The following CELF2 variants were observed in gnomAD, a reference collection of about 807,000 sequenced individuals.
The protein encoded by CELF2 is CUGBP Elav-like family member 2.
CELF2 carries 8 observed loss-of-function variants against 62.6 expected under a neutral mutation model. The observed-to-expected ratio is 0.13, with a 90% confidence interval of 0.07 to 0.23. The LOEUF is 0.23. Among genes scored for constraint, CELF2 ranks in the 10% least tolerant of loss-of-function variants. The probability of loss-of-function intolerance (pLI) is 1.00; values close to 1 mark genes in which losing one functional copy is unlikely to be tolerated. For missense variants in CELF2, 333 were observed against 671.0 expected (o/e 0.50, Z 5.56); for synonymous variants, 258 against 250.0 (o/e 1.03, Z -0.30).
At chr10:11,288,582 G>C (rs772769710) in intron 9 of CELF2, 30 bp downstream of exon 9, 1 of 1,611,516 alleles carries the variant, frequency 6.2e-7, no homozygotes, top group Admixed American at 1.7e-5. Context: ...TTCCCTTGCA[G>C]GTGATGCAGC....
At chr10:10,508,669 T>A in the CELF2 span, among the ~76,000 whole-genome samples, 1 of 65,634 alleles carries the variant, frequency 1.5e-5, no homozygotes, top group Non-Finnish European at 2.9e-5. Context: ...GATGTGTGTG[T>A]GTGTGTGTGT....
chr10:10,677,315 T>A, the CELF2 span, among the ~76,000 whole-genome samples: 1 of 152,204 alleles, frequency 6.6e-6, no homozygotes, highest in Non-Finnish European at 1.5e-5. Flanking sequence ...AATTTATGGC[T>A]GCTAAAAGGT....
At chr10:10,926,156 C>T (rs752046144) in intron 2 of CELF2, among the ~76,000 whole-genome samples, 3 of 152,100 alleles carry the variant, frequency 2.0e-5, no homozygotes, top group Non-Finnish European at 4.4e-5. Context: ...GAATTCAGAG[C>T]CTCTATGGTC....
the CELF2 span, among the ~76,000 whole-genome samples, chr10:10,743,010 A>G: frequency 0.016 from 2,480 of 152,320 alleles, 27 homozygotes; most frequent in Non-Finnish European, 0.024. Flanking sequence ...ACATTCATTT[A>G]TTCATTGACT....
intron 1 of CELF2, among the ~76,000 whole-genome samples, chr10:11,108,100 T>TTCCTCTCCCCCCC (rs2054103888): frequency 3.7e-5 from 1 of 27,234 alleles, no homozygotes; most frequent in African/African-American, 1.5e-4. Context: ...CCCCACTCCC[T>TTCCTCTCCCCCCC]CCCTCTCCCC....
intron 1 of CELF2, among the ~76,000 whole-genome samples, chr10:10,905,762 C>A (rs912932757): frequency 1.6e-4 from 25 of 151,972 alleles, no homozygotes; most frequent in African/African-American, 5.1e-4. Context: ...ACTGTAGTCC[C>A]AGCTACTTGG....
In CELF2 at chr10:11,081,049, T is replaced by C. The variant is rs548755041; in HGVS notation, c.74+62886T>C. On this transcript the variant is annotated intron_variant, in intron 1 of 12. Coordinates refer to ENST00000633077, the MANE Select transcript of CELF2 (RefSeq NM_001326342.2). ...TGCTTTAGCATCCATTTCATAGAAA[T>C]CAAACTTAGAAAAAATTATTCTTTA... is the stretch of plus-strand genomic sequence containing the variant. Among the ~76,000 whole-genome samples, 15 of 147,180 alleles carry C rather than the reference T, an allele frequency of 1.0e-4. No homozygotes were observed. In the South Asian group the frequency reaches 1.7e-3, roughly 17 times the overall value.
chr10:11,320,301 C>T (rs989635759), intron 10 of CELF2, among the ~76,000 whole-genome samples: 2 of 152,168 alleles, frequency 1.3e-5, no homozygotes, highest in East Asian at 1.9e-4. Context: ...GCCACCATCC[C>T]GTTCCCATCA....
At chr10:10,535,920 TG>T in the CELF2 span, among the ~76,000 whole-genome samples, 1 of 151,912 alleles carries the variant, frequency 6.6e-6, no homozygotes, top group African/African-American at 2.4e-5. Flanking sequence ...AGCAAACCTG[TG>T]GGATAAATAG....
chr10:10,567,059 A>G, the CELF2 span, among the ~76,000 whole-genome samples: 8 of 152,342 alleles, frequency 5.3e-5, no homozygotes, highest in Admixed American at 4.6e-4. Flanking sequence ...GTTTATGCAG[A>G]AAAGGACAGT....
At chr10:11,052,509 G>A (rs1248364459) in intron 1 of CELF2, among the ~76,000 whole-genome samples, 1 of 152,154 alleles carries the variant, frequency 6.6e-6, no homozygotes, top group African/African-American at 2.4e-5. Flanking sequence ...CTTGGGTGAT[G>A]TCCTGTGGGT....
At chr10:10,802,185 A>G (rs988270468) in intron 1 of CELF2, among the ~76,000 whole-genome samples, 1 of 152,236 alleles carries the variant, frequency 6.6e-6, no homozygotes, top group African/African-American at 2.4e-5. Flanking sequence ...TTAAAAGAAT[A>G]AAATAGGCTG....
the CELF2 span, among the ~76,000 whole-genome samples, chr10:10,667,400 T>G: frequency 6.6e-6 from 1 of 152,242 alleles, no homozygotes; most frequent in African/African-American, 2.4e-5. Flanking sequence ...AGAAAGCATG[T>G]ATGTGACTGT....
At chr10:10,684,769 A>C in the CELF2 span, among the ~76,000 whole-genome samples, 4 of 152,106 alleles carry the variant, frequency 2.6e-5, no homozygotes, top group Non-Finnish European at 5.9e-5. Flanking sequence ...AAATTGCAAC[A>C]AGAGCTTTGT....
chr10:10,788,417 C>T, the CELF2 span, among the ~76,000 whole-genome samples: 1 of 146,706 alleles, frequency 6.8e-6, no homozygotes, highest in African/African-American at 2.5e-5. Flanking sequence ...TGAAATTGTA[C>T]CAATAATTGT....
At chr10:10,900,183 C>T (rs966031018) in intron 1 of CELF2, among the ~76,000 whole-genome samples, 1 of 152,186 alleles carries the variant, frequency 6.6e-6, no homozygotes, top group Non-Finnish European at 1.5e-5. Flanking sequence ...TCTACACAAA[C>T]TCTTTCAGAA....
chr10:11,107,117 C>T (rs1033672606), intron 1 of CELF2, among the ~76,000 whole-genome samples: 5 of 152,204 alleles, frequency 3.3e-5, no homozygotes, highest in Non-Finnish European at 4.4e-5. Flanking sequence ...GTTTCCTCAG[C>T]GGCTCAGGAG....
intron 9 of CELF2, among the ~76,000 whole-genome samples, chr10:11,304,797 C>T (rs2094071707): frequency 6.6e-6 from 1 of 152,160 alleles, no homozygotes; most frequent in Admixed American, 6.5e-5. Context: ...GAAACCATAG[C>T]ACATTCCATC....
intron 1 of CELF2, among the ~76,000 whole-genome samples, chr10:11,149,451 C>T (rs901353142): frequency 2.6e-5 from 4 of 152,186 alleles, no homozygotes; most frequent in Admixed American, 6.5e-5. Context: ...ATGCACAGAT[C>T]TGTGGGTTTC....
Sources: gnomAD v4.1 joint callset for allele counts (sites outside exome capture counted in the v4.1 genomes callset) on GRCh38, gnomAD v4.1.1 for gene constraint, MANE v1.5 for transcripts, NCBI Gene and HGNC (gene_info 2026-07-23, HGNC 2026-07-21) for gene names.